ITPR2: variants seen among roughly 807,000 people sequenced by gnomAD.
ITPR2 encodes the protein inositol 1,4,5-trisphosphate receptor type 2.
In ITPR2, 207 loss-of-function variants were observed where a neutral mutation model predicts 317.1. That is an observed-to-expected ratio of 0.65 (90% confidence interval 0.58 to 0.73). The LOEUF (loss-of-function observed/expected upper bound fraction) is 0.73, where lower values mean the gene tolerates loss of function less well. ITPR2 is among the 30% of genes least tolerant of loss of function. The pLI is 0.00. For missense variants in ITPR2, 2,613 were observed against 3,284.0 expected (o/e 0.80, Z 4.99); for synonymous variants, 1,156 against 1,149.1 (o/e 1.01, Z -0.12).
At chr12:26,469,360 C>T (rs186767576) in intron 45 of ITPR2, among the ~76,000 whole-genome samples, 112 of 152,218 alleles carry the variant, frequency 7.4e-4, no homozygotes, top group Middle Eastern at 3.4e-3. Flanking sequence ...GCTACCCAGG[C>T]CTTCTTTTGT....
chr12:26,375,852 A>G (rs1939323380), intron 55 of ITPR2, among the ~76,000 whole-genome samples: 1 of 152,264 alleles, frequency 6.6e-6, no homozygotes, highest in Non-Finnish European at 1.5e-5. Context: ...ATCTGGCAGC[A>G]CTTTGGAAGG....
At chr12:26,794,954 G>A (rs1382477880) in intron 1 of ITPR2, among the ~76,000 whole-genome samples, 1 of 152,192 alleles carries the variant, frequency 6.6e-6, no homozygotes, top group Non-Finnish European at 1.5e-5. Flanking sequence ...TAAAATAATG[G>A]AGATGTAGTA....
chr12:26,677,016 G>A (rs1202648023), intron 13 of ITPR2, among the ~76,000 whole-genome samples: 1 of 152,036 alleles, frequency 6.6e-6, no homozygotes, highest in African/African-American at 2.4e-5. Flanking sequence ...TTCTTTCATG[G>A]GAGGGGGAAA....
intron 37 of ITPR2, among the ~76,000 whole-genome samples, chr12:26,521,621 C>T (rs577582685): frequency 6.6e-6 from 1 of 151,996 alleles, no homozygotes; most frequent in South Asian, 2.1e-4. Context: ...ATCTGTGGTA[C>T]AAAACAAGAC....
At chr12:26,378,749 T>C (rs888662208) in intron 55 of ITPR2, among the ~76,000 whole-genome samples, 23 of 152,382 alleles carry the variant, frequency 1.5e-4, no homozygotes, top group African/African-American at 5.0e-4. Flanking sequence ...TGAAACATCC[T>C]GCAGCCTCTT....
chr12:26,574,544 T>C (rs901967809), intron 34 of ITPR2, among the ~76,000 whole-genome samples: 2 of 152,192 alleles, frequency 1.3e-5, no homozygotes, highest in African/African-American at 2.4e-5. Flanking sequence ...CAAAATCTAA[T>C]ATGGGAGACA....
intron 37 of ITPR2, among the ~76,000 whole-genome samples, chr12:26,496,694 A>G (rs924585065): frequency 3.3e-5 from 5 of 152,170 alleles, no homozygotes; most frequent in African/African-American, 1.2e-4. Context: ...TCATAATCCC[A>G]GCACTTTGGG....
intron 32 of ITPR2, among the ~76,000 whole-genome samples, chr12:26,593,780 C>T (rs1394339501): frequency 6.6e-6 from 1 of 151,250 alleles, no homozygotes; most frequent in Non-Finnish European, 1.5e-5. Flanking sequence ...TAAATCTGTA[C>T]ACCTTTGCCT....
At chr12:26,481,280 C>A in intron 42 of ITPR2, 39 bp from the exon 43 acceptor site, 1 of 1,189,092 alleles carries the variant, frequency 8.4e-7, no homozygotes, top group Non-Finnish European at 1.3e-6. Flanking sequence ...ATTTTATTCA[C>A]AACAGAATAG....
chr12:26,567,794 AAAAG>A (rs1945015324), intron 34 of ITPR2, among the ~76,000 whole-genome samples: 3 of 151,418 alleles, frequency 2.0e-5, no homozygotes, highest in African/African-American at 7.3e-5. Flanking sequence ...GAAAAAACAA[AAAAG>A]AAAATTATGT....
intron 1 of ITPR2, among the ~76,000 whole-genome samples, chr12:26,804,729 T>C (rs1223577660): frequency 2.0e-5 from 3 of 152,066 alleles, no homozygotes; most frequent in African/African-American, 4.8e-5. Flanking sequence ...CTTATTTATT[T>C]TATTTTTATT....
At position 26,415,388 on chromosome 12, in the gene ITPR2, G is replaced by T. The variant is rs758626902; in HGVS notation, c.7221C>A (p.Tyr2407Ter). 1.2e-6 allele frequency: 2 copies of T among 1,612,944 alleles called. No homozygotes were observed. The highest frequency in any genetic ancestry group is 1.7e-6 in the Non-Finnish European group (2 of 1,179,330). Residue 2407 changes from tyrosine to a stop codon, truncating the protein, a stop_gained, in exon 51 of 57, where the codon TAC (tyrosine) becomes TAA (stop). Transcript: ENST00000381340. LOFTEE classifies it high-confidence loss of function. ...LTAVLALILVYLFSIIGFLFL... is the reference protein window; with the variant it reads ...LTAVLALILV ...AAAGGAACCCAATAATGGAAAACAG[G>T]TAGACGAGGATGAGAGCCAGGACTG...
chr12:26,765,464 A>T (rs986381108), intron 2 of ITPR2, among the ~76,000 whole-genome samples: 1 of 152,072 alleles, frequency 6.6e-6, no homozygotes, highest in Non-Finnish European at 1.5e-5. Flanking sequence ...TCTTTCCTTC[A>T]ATGTGACAGT....
intron 11 of ITPR2, among the ~76,000 whole-genome samples, chr12:26,683,462 G>T (rs4133728): frequency 1.3e-5 from 2 of 152,244 alleles, no homozygotes; most frequent in African/African-American, 4.8e-5. Context: ...GCACAAGAAG[G>T]TTGTGATGTG....
chr12:26,482,931 T>TCTG (rs1215790091), intron 42 of ITPR2, among the ~76,000 whole-genome samples: 5 of 152,226 alleles, frequency 3.3e-5, no homozygotes, highest in African/African-American at 1.2e-4. Context: ...GTTTATGACT[T>TCTG]GAAAACTCTG....
intron 37 of ITPR2, among the ~76,000 whole-genome samples, chr12:26,522,234 T>A (rs1272530688): frequency 1.3e-5 from 2 of 152,190 alleles, no homozygotes; most frequent in African/African-American, 2.4e-5. Context: ...AGATATTATA[T>A]AGTGTTCATC....
chr12:26,693,068 A>G (rs971996221), intron 10 of ITPR2, among the ~76,000 whole-genome samples: 1 of 152,200 alleles, frequency 6.6e-6, no homozygotes, highest in African/African-American at 2.4e-5. Flanking sequence ...CCACATTCTC[A>G]ATTTTCTTTG....
At chr12:26,615,787 GA>G (rs1946360283) in intron 26 of ITPR2, among the ~76,000 whole-genome samples, 1 of 152,110 alleles carries the variant, frequency 6.6e-6, no homozygotes, top group African/African-American at 2.4e-5. Flanking sequence ...AATGCAAGGG[GA>G]AATTGATAAA....
At position 26,370,820 on chromosome 12, in the gene ITPR2, G is replaced by A. The variant is rs192515012; in HGVS notation, c.7857+16614C>T. 1.8e-3 allele frequency among the ~76,000 whole-genome samples: 268 copies of A among 152,182 alleles called. 1 individual carries two copies. The highest frequency in any genetic ancestry group is 5.9e-3 in the African/African-American group (244 of 41,526). On this transcript the variant is annotated intron_variant, in intron 55 of 56. Transcript: ENST00000381340. ...CTCCCCAGTAGCTGGGATTACAGGC[G>A]CCTGCCACCACCACCGGCTAATTTT... is the stretch of plus-strand genomic sequence containing the variant.
Sources: allele counts gnomAD v4.1 joint callset (sites outside exome capture counted in the v4.1 genomes callset), GRCh38; gene constraint gnomAD v4.1.1; transcripts MANE v1.5; gene names NCBI Gene and HGNC (gene_info 2026-07-23, HGNC 2026-07-21).